HFM1: variants seen among roughly 807,000 people sequenced by gnomAD.
HFM1 encodes helicase for meiosis 1.
In HFM1, 169 loss-of-function variants were observed where a neutral mutation model predicts 192.1. The ratio of observed to expected loss-of-function variants is 0.88; its 90% CI spans 0.78 to 1.00. The LOEUF (loss-of-function observed/expected upper bound fraction) is 1.00, where lower values mean the gene tolerates loss of function less well. Among genes scored for constraint, HFM1 ranks in the 50% least tolerant of loss-of-function variants. HFM1 has a pLI of 0.00. For synonymous variants in HFM1, 525 were observed against 537.8 expected (o/e 0.98, Z 0.33); for missense variants, 1,661 against 1,668.0 (o/e 1.00, Z 0.07).
chr1:91,349,843 C>T (rs116420848), intron 18 of HFM1, among the ~76,000 whole-genome samples: 171 of 152,248 alleles, frequency 1.1e-3, no homozygotes, highest in African/African-American at 4.0e-3. Flanking sequence ...GAATGGAAAA[C>T]TAATACAATA....
upstream of HFM1, among the ~76,000 whole-genome samples, chr1:91,405,952 GT>G (rs1664786510): frequency 6.6e-6 from 1 of 152,190 alleles, no homozygotes; most frequent in Admixed American, 6.5e-5. Context: ...TAACGAAACA[GT>G]GCATTTGTTA....
intron 20 of HFM1, among the ~76,000 whole-genome samples, chr1:91,338,735 G>A (rs1433205573): frequency 1.3e-5 from 2 of 152,080 alleles, no homozygotes; most frequent in South Asian, 2.1e-4. Flanking sequence ...CGGTACATGC[G>A]GATCCCACTA....
intron 38 of HFM1, 184 bp downstream of exon 38, chr1:91,262,057 A>G: frequency 2.8e-6 from 1 of 361,462 alleles, no homozygotes; most frequent in Non-Finnish European, 5.1e-6. Flanking sequence ...TCAAAAACTG[A>G]GGTATATGAT....
intron 3 of HFM1, 40 bp from the exon 4 acceptor site, chr1:91,394,442 T>C (rs2102150496): frequency 8.7e-7 from 1 of 1,151,600 alleles, no homozygotes; most frequent in Non-Finnish European, 1.2e-6. Context: ...ATGTTCTCCA[T>C]TAAAGGAAAT....
intron 13 of HFM1, among the ~76,000 whole-genome samples, chr1:91,355,437 A>C (rs1451554922): frequency 3.3e-5 from 5 of 151,986 alleles, no homozygotes; most frequent in African/African-American, 9.7e-5. Flanking sequence ...TAGAAGAAAA[A>C]AAAAAAACCA....
rs1652630090 is a variant in HFM1 at position 91,324,725 on chromosome 1, T to C, written c.2377A>G (p.Thr793Ala). 6.4e-7 allele frequency: 1 copy of C among 1,574,668 alleles called. No homozygotes were observed. The highest frequency in any genetic ancestry group is 2.2e-5 in the East Asian group (1 of 44,666). The change falls in exon 21 of 39, where the codon ACA becomes GCA. Residue 793 changes from threonine (T) to alanine (A), a missense_variant. Thr to Ala is a moderately conservative substitution (Grantham distance 58). Transcript: ENST00000370425. ...LMAWYYITFE[T>A]VKKFYTISGK... is the part of the protein sequence containing the mutation. ...CTGATTGTATAAAATTTCTTCACTG[T>C]CTCAAATGTAATATAATACCAAGCC...
intron 13 of HFM1, among the ~76,000 whole-genome samples, chr1:91,365,352 G>C (rs1361092541): frequency 6.6e-6 from 1 of 151,822 alleles, no homozygotes; most frequent in Non-Finnish European, 1.5e-5. Flanking sequence ...TAAGTAAGTA[G>C]ATTTAGCTGC....
chr1:91,309,966 T>G (rs1650193141), intron 30 of HFM1, among the ~76,000 whole-genome samples: 1 of 151,832 alleles, frequency 6.6e-6, no homozygotes, highest in Non-Finnish European at 1.5e-5. Context: ...AAGGGTTTAT[T>G]ATGTTTGGGA....
intron 4 of HFM1, among the ~76,000 whole-genome samples, chr1:91,387,345 G>A (rs1313127895): frequency 2.6e-5 from 4 of 151,220 alleles, no homozygotes; most frequent in Non-Finnish European, 4.4e-5. Flanking sequence ...ACGCTTGGCC[G>A]CCACAAGCCA....
intron 1 of HFM1, among the ~76,000 whole-genome samples, chr1:91,403,365 C>T (rs186595434): frequency 1.1e-4 from 17 of 152,096 alleles, no homozygotes; most frequent in Admixed American, 7.9e-4. Context: ...CAATCTTCAA[C>T]GTTCAGTTAA....
Position 91,319,175 on chromosome 1 carries a change from C to A in HFM1, c.2715G>T (p.Lys905Asn). The change falls in exon 25 of 39, where the codon AAG (lysine) becomes AAT (asparagine). Residue 905 changes from lysine (K) to asparagine (N), a missense_variant. By Grantham distance (94) the Lys-to-Asn change is moderately conservative (BLOSUM62 0). Transcript: ENST00000370425. ...TCAAACTATTCAATAGTACAGCAAA[C>A]TTCTTTTCTTGAGCAGCTACAAAAT... ...LSDFVAAQEK[K>N]FAVLLNSLIL... 3 of 1,609,086 alleles carry A rather than the reference C, an allele frequency of 1.9e-6. No individual in the cohort carries two copies. The highest frequency in any genetic ancestry group is 2.5e-6 in the Non-Finnish European group (3 of 1,178,682).
intron 4 of HFM1, among the ~76,000 whole-genome samples, chr1:91,386,578 C>T (rs183390702): frequency 2.0e-5 from 3 of 152,270 alleles, no homozygotes; most frequent in East Asian, 3.9e-4. Flanking sequence ...TAAACTACTA[C>T]ATTTTGGGAT....
chr1:91,358,697 A>C (rs1419784670), intron 13 of HFM1, among the ~76,000 whole-genome samples: 1 of 152,240 alleles, frequency 6.6e-6, no homozygotes. Flanking sequence ...CCAGAAGAGA[A>C]CATAGGGCAA....
Position 91,394,160 on chromosome 1 carries a change from G to A in HFM1, c.427C>T (p.Pro143Ser). The part of the protein sequence containing the change: ...GTEIAPEKSV[P>S]DDTKLVNFAE... ...AAATTAACTAATTTTGTATCATCAG[G>A]AACACTCTTCTCAGGTGCTATCTCA... The change falls in exon 4 of 39, where the codon CCT (proline) becomes TCT (serine). Residue 143 changes from proline (P) to serine (S), a missense_variant. By Grantham distance (74) the Pro-to-Ser change is moderately conservative (BLOSUM62 -1). Transcript: ENST00000370425. 1 of 1,608,916 alleles carries A rather than the reference G, an allele frequency of 6.2e-7. No homozygotes were observed. Among genetic ancestry groups the A allele is most frequent in the Non-Finnish European group, 8.5e-7 (1 of 1,175,958 alleles).
intron 4 of HFM1, among the ~76,000 whole-genome samples, chr1:91,390,433 AAG>A (rs1491055081): frequency 2.7e-5 from 4 of 148,560 alleles, no homozygotes; most frequent in Non-Finnish European, 4.5e-5. Context: ...AAGACTCCCA[AAG>A]AAAAAAAAAA....
intron 13 of HFM1, among the ~76,000 whole-genome samples, chr1:91,372,845 T>C (rs1660413608): frequency 6.6e-6 from 1 of 152,192 alleles, no homozygotes; most frequent in South Asian, 2.1e-4. Flanking sequence ...TTTCTCCCTT[T>C]CTTTCTACCT....
intron 36 of HFM1, 69 bp downstream of exon 36, chr1:91,265,948 C>A (rs1477497279): frequency 1.3e-6 from 2 of 1,554,984 alleles, no homozygotes; most frequent in African/African-American, 2.8e-5. Context: ...TAACTTGATC[C>A]CCATCTCCAA....
At chr1:91,323,570 C>T (rs575079578) in intron 21 of HFM1, among the ~76,000 whole-genome samples, 1 of 152,152 alleles carries the variant, frequency 6.6e-6, no homozygotes, top group Admixed American at 6.5e-5. Context: ...TACTGCTATT[C>T]TACTGTTCTA....
At chr1:91,401,717 T>TA (rs1207370036) in intron 1 of HFM1, among the ~76,000 whole-genome samples, 1 of 152,162 alleles carries the variant, frequency 6.6e-6, no homozygotes, top group African/African-American at 2.4e-5. Flanking sequence ...TTTTTCAAAA[T>TA]AAAAAAATTA....
Sources: gnomAD v4.1 joint callset for allele counts (sites outside exome capture counted in the v4.1 genomes callset) on GRCh38, gnomAD v4.1.1 for gene constraint, MANE v1.5 for transcripts, NCBI Gene and HGNC (gene_info 2026-07-23, HGNC 2026-07-21) for gene names.